The following SLC30A5 variants were observed in gnomAD, a reference collection of about 807,000 sequenced individuals.
SLC30A5 encodes solute carrier family 30 member 5, also known as proton-coupled zinc antiporter SLC30A5.
SLC30A5 carries 33 observed loss-of-function variants against 79.6 expected under a neutral mutation model. The observed-to-expected ratio is 0.41, with a 90% CI of 0.31 to 0.55. The LOEUF (loss-of-function observed/expected upper bound fraction) is 0.55. Ranked by LOEUF, SLC30A5 falls within the 20% of genes least tolerant of loss-of-function variation. SLC30A5 has a pLI of 0.20. For synonymous variants in SLC30A5, 299 were observed against 319.7 expected, an observed-to-expected ratio of 0.94 and a Z score of 0.69; for missense variants, 788 against 928.1, an observed-to-expected ratio of 0.85 and a Z score of 1.96.
chr5:69,104,679 T>G lies in SLC30A5; in HGVS notation c.322T>G (p.Leu108Val), dbSNP rs1746033651. 1.3e-6 allele frequency: 2 copies of G among 1,590,806 alleles called. No homozygotes were observed. Among genetic ancestry groups the G allele is most frequent in the South Asian group, 2.3e-5 (2 of 86,858 alleles). ...HAVAGCIISL[L>V]WFFGLTLCGP... ...AGTTGCTGGGTGTATTATTTCACTC[T>G]TGTGGTTTTTTGGCCTCACTCTTTG... Residue 108 changes from leucine to valine, a missense_variant, in exon 4 of 16, where the codon TTG becomes GTG. Physicochemically the swap from Leu to Val is conservative, Grantham distance 32. Around this residue, in one of 3 missense-constraint regions of SLC30A5, gnomAD observed 626 missense variants for 755.5 expected, o/e 0.83. Transcript: ENST00000396591.
At chr5:69,126,310 T>C (rs894001024) in intron 14 of SLC30A5, among the ~76,000 whole-genome samples, 1 of 152,158 alleles carries the variant, frequency 6.6e-6, no homozygotes. Flanking sequence ...TTTTAAGTTT[T>C]TGTTTGTTTG....
rs181383436 is a variant in SLC30A5 at position 69,104,177 on chromosome 5, G to A, written c.274-454G>A. 86 of 1,126,170 alleles carry A rather than the reference G, an allele frequency of 7.6e-5. 3 individuals are homozygous for A. The South Asian group carries it at 1.3e-3, about 16-fold the overall frequency. 69.8% of individuals were successfully genotyped at this position (1,126,170 alleles called of 1,614,324 possible). A position where few individuals can be genotyped will look rare whatever the true frequency, so the allele number is the denominator to read the frequency against. ...TTTTGAGAAAGAGTCTTGCTCCATC[G>A]CCCAGGCTGCAGTGCAGTGACACGA... is the stretch of plus-strand genomic sequence containing the variant. On this transcript the variant is annotated intron_variant, in intron 3 of 15. Transcript: ENST00000396591.
At chr5:69,103,237 C>G in intron 3 of SLC30A5, 109 bp downstream of exon 3, 1 of 608,346 alleles carries the variant, frequency 1.6e-6, no homozygotes, top group Non-Finnish European at 3.0e-6. Context: ...AAGTATGCCA[C>G]AGAACAATTT....
chr5:69,112,748 T>A (rs1746267474), intron 5 of SLC30A5, among the ~76,000 whole-genome samples: 1 of 152,210 alleles, frequency 6.6e-6, no homozygotes, highest in Non-Finnish European at 1.5e-5. Flanking sequence ...AGGAGTAGTA[T>A]CTAGAATATT....
chr5:69,100,555 G>C (rs1421661010), intron 1 of SLC30A5, among the ~76,000 whole-genome samples: 2 of 148,786 alleles, frequency 1.3e-5, no homozygotes, highest in Non-Finnish European at 3.0e-5. Flanking sequence ...AGGATCGCTT[G>C]ACCAAAGGAG....
In SLC30A5 at chr5:69,108,496, A is replaced by G. The variant is rs1386769102; in HGVS notation, c.447+60A>G. 6 of 1,206,590 alleles carry G rather than the reference A, an allele frequency of 5.0e-6. No homozygotes were observed. The Admixed American group carries it at 1.0e-4, about 21-fold the overall frequency. The allele number at this position is 1,206,590 out of a possible 1,614,324, so 74.7% of individuals were successfully genotyped here. A position where few individuals can be genotyped will look rare whatever the true frequency, so the allele number is the denominator to read the frequency against. Reference sequence around the variant, plus strand: ...AAAGTATGTATGTCACATATTATCCAAAGGAATAAAATCTTATCTTTCACC... The same window carrying G: ...AAAGTATGTATGTCACATATTATCCGAAGGAATAAAATCTTATCTTTCACC... On this transcript the variant is annotated intron_variant, in intron 5 of 15. Transcript: ENST00000396591.
At position 69,094,022 on chromosome 5, in the gene SLC30A5, C is replaced by T. The variant is rs755350092; in HGVS notation, c.-234C>T. 83 of 388,218 alleles carry T rather than the reference C, an allele frequency of 2.1e-4. 1 individual carries two copies. The highest frequency in any genetic ancestry group is 2.0e-4 in the Non-Finnish European group (45 of 219,696). 24.0% of individuals were successfully genotyped at this position (388,218 alleles called of 1,614,324 possible). A position where few individuals can be genotyped will look rare whatever the true frequency, so the allele number is the denominator to read the frequency against. ...TGACGTGGCTTGGCAACGTCCCTAC[C>T]GCCGCTGCTTCCCGGGAACCTGGCG... is the stretch of plus-strand genomic sequence containing the variant. On this transcript the variant is annotated 5_prime_UTR_variant, in exon 1 of 16. Transcript: ENST00000396591.
rs1216321270 is a variant in SLC30A5 at position 69,118,319 on chromosome 5, ATATATG to A, written c.1440-174_1440-169del. ...AACGTGTATATATATGTGTATATATATATATGTATATATATATGAAGGACCTTCCAG... is the reference window on the plus strand; with the variant it reads ...AACGTGTATATATATGTGTATATATATATATATATATGAAGGACCTTCCAG... On this transcript the variant is annotated intron_variant, in intron 11 of 15. Coordinates refer to ENST00000396591, the MANE Select transcript of SLC30A5 (RefSeq NM_022902.5). 2.8e-5 allele frequency: 6 copies of A among 213,218 alleles called. 1 individual carries two copies. The highest frequency in any genetic ancestry group is 2.4e-4 in the South Asian group (3 of 12,546). The allele number at this position is 213,218 out of a possible 1,614,324, so 13.2% of individuals were successfully genotyped here.
intron 8 of SLC30A5, 122 bp downstream of exon 8, chr5:69,115,529 G>A: frequency 2.5e-6 from 2 of 791,722 alleles, no homozygotes; most frequent in South Asian, 5.1e-5. Flanking sequence ...GGCTTAAATT[G>A]TCTTTGCTTT....
chr5:69,114,517 A>T, intron 7 of SLC30A5, 21 bp downstream of exon 7: 2 of 1,416,098 alleles, frequency 1.4e-6, no homozygotes, highest in Non-Finnish European at 2.0e-6. Flanking sequence ...TTTGTTCCTA[A>T]CAGGATCAAA....
intron 14 of SLC30A5, among the ~76,000 whole-genome samples, chr5:69,127,708 A>C (rs1746740298): frequency 6.6e-6 from 1 of 152,140 alleles, no homozygotes; most frequent in African/African-American, 2.4e-5. Context: ...CAGAGCTGCC[A>C]TACTAGCATC....
chr5:69,100,612 T>TA (rs33982147), intron 1 of SLC30A5, among the ~76,000 whole-genome samples, 195 bp from the exon 2 acceptor site: 4 of 134,470 alleles, frequency 3.0e-5, no homozygotes, highest in Admixed American at 7.5e-5. Context: ...CTCTATGAGT[T>TA]AAAAAAAAAA....
At chr5:69,095,084 C>T (rs1439672674) in intron 1 of SLC30A5, among the ~76,000 whole-genome samples, 1 of 152,052 alleles carries the variant, frequency 6.6e-6, no homozygotes, top group African/African-American at 2.4e-5. Context: ...TGTTCTTTGC[C>T]TCCATTTTTA....
intron 3 of SLC30A5, among the ~76,000 whole-genome samples, chr5:69,103,459 C>T (rs1055216641): frequency 6.6e-6 from 1 of 152,152 alleles, no homozygotes; most frequent in Non-Finnish European, 1.5e-5. Context: ...CACTGGAAAG[C>T]TGACAAAGCA....
chr5:69,114,366 A>C, intron 6 of SLC30A5, 54 bp from the exon 7 acceptor site: 1 of 970,434 alleles, frequency 1.0e-6, no homozygotes, highest in South Asian at 1.3e-5. Flanking sequence ...GGAGAACTTC[A>C]GGTGTCAAAG....
In SLC30A5 at chr5:69,128,010, A is replaced by C; in HGVS notation, c.2005A>C (p.Lys669Gln). Reference sequence around the variant, plus strand: ...CACCTCTTTTATTTGACAGATACAGAAAATTGAAGGATTAATATCATACCG... The same window carrying C: ...CACCTCTTTTATTTGACAGATACAGCAAATTGAAGGATTAATATCATACCG... The part of the protein sequence containing the change: ...ELHIALEKIQ[K>Q]IEGLISYRDP... Residue 669 changes from lysine (K) to glutamine (Q), a missense_variant, in exon 15 of 16, where the codon AAA (lysine) becomes CAA (glutamine). By Grantham distance (53) the Lys-to-Gln change is moderately conservative (BLOSUM62 1). Transcript: ENST00000396591. 1.2e-6 allele frequency: 2 copies of C among 1,609,828 alleles called. No homozygotes were observed. Among genetic ancestry groups the C allele is most frequent in the Non-Finnish European group, 1.7e-6 (2 of 1,177,324 alleles).
chr5:69,102,589 A>ATAGC (rs1400335964), intron 2 of SLC30A5: 1 of 152,010 alleles, frequency 6.6e-6, no homozygotes, highest in Non-Finnish European at 1.5e-5. Flanking sequence ...GCCAGGTGTG[A>ATAGC]TAGCTCATGC....
chr5:69,123,081 C>T (rs1268710501), intron 13 of SLC30A5, 118 bp from the exon 14 acceptor site: 2 of 630,188 alleles, frequency 3.2e-6, no homozygotes. Flanking sequence ...TTTTGAAGTA[C>T]TAGCCAGTAG....
At chr5:69,104,016 A>G in intron 3 of SLC30A5, 1 of 1,573,118 alleles carries the variant, frequency 6.4e-7, no homozygotes, top group Non-Finnish European at 8.7e-7. Flanking sequence ...CAAAAAGTTA[A>G]ATGATCCTAG....
Sources: allele counts gnomAD v4.1 joint callset (sites outside exome capture counted in the v4.1 genomes callset), GRCh38; gene constraint gnomAD v4.1.1; regional missense constraint gnomAD v4.1.1; transcripts MANE v1.5; gene names NCBI Gene and HGNC (gene_info 2026-07-23, HGNC 2026-07-21).